Variants in PRDX6 observed in about 807,000 individuals in gnomAD.
PRDX6 encodes peroxiredoxin 6, also known as peroxiredoxin-6.
In PRDX6, 13 loss-of-function variants were observed where a neutral mutation model predicts 20.0. The ratio of observed to expected loss-of-function variants is 0.65; its 90% CI spans 0.42 to 1.03. PRDX6 has a LOEUF of 1.03. Among genes scored for constraint, PRDX6 ranks in the 50% least tolerant of loss-of-function variants. The pLI is 0.00. For missense variants in PRDX6, 203 were observed against 276.9 expected, an observed-to-expected ratio of 0.73 and a Z score of 1.89; for synonymous variants, 85 against 100.8, an observed-to-expected ratio of 0.84 and a Z score of 0.94.
At chr1:173,484,139 TAGA>T (rs1197431262) in intron 2 of PRDX6, among the ~76,000 whole-genome samples, 1 of 61,836 alleles carries the variant, frequency 1.6e-5, no homozygotes, top group African/African-American at 1.5e-4. Flanking sequence ...AAAAAAAAAT[TAGA>T]TATATATATT....
At position 173,487,864 on chromosome 1, in the gene PRDX6, GTC is replaced by G; in HGVS notation, c.*5_*6del. 6.2e-7 allele frequency: 1 copy of G among 1,612,338 alleles called. No homozygotes were observed. Among genetic ancestry groups the G allele is most frequent in the Non-Finnish European group, 8.5e-7 (1 of 1,179,916 alleles). ...CCTCCGCTACACACCCCAGCCTTAAGTCTCTTGGAGAAGCTGGTGCTGTGAGC... is the reference window on the plus strand; with the variant it reads ...CCTCCGCTACACACCCCAGCCTTAAGTCTTGGAGAAGCTGGTGCTGTGAGC... On this transcript the variant is annotated 3_prime_UTR_variant, in exon 5 of 5. Transcript: ENST00000340385.
In PRDX6 at chr1:173,485,520, A is replaced by G. The variant is rs1658881748; in HGVS notation, c.399+13A>G. 6.3e-7 allele frequency: 1 copy of G among 1,575,218 alleles called. No individual in the cohort carries two copies. Among genetic ancestry groups the G allele is most frequent in the South Asian group, 1.2e-5 (1 of 86,552 alleles). On this transcript the variant is annotated intron_variant, in intron 3 of 4. Transcript: ENST00000340385. ...GACAGCTCGTGTGGTAGGTCATACAAATTCATTTTGTAGTTAGCTTAACTG... is the reference window on the plus strand; with the variant it reads ...GACAGCTCGTGTGGTAGGTCATACAGATTCATTTTGTAGTTAGCTTAACTG...
chr1:173,477,915 C>G (rs1339932769), intron 1 of PRDX6, among the ~76,000 whole-genome samples: 2 of 152,220 alleles, frequency 1.3e-5, no homozygotes, highest in Non-Finnish European at 2.9e-5. Context: ...GCGGCATTGA[C>G]GATCACTTCC....
chr1:173,479,621 G>A (rs1303870073), intron 1 of PRDX6, among the ~76,000 whole-genome samples: 1 of 152,120 alleles, frequency 6.6e-6, no homozygotes, highest in East Asian at 1.9e-4. Flanking sequence ...GGGTCTTCTG[G>A]GGCTTAGTAA....
chr1:173,477,931 C>T (rs1247054733), intron 1 of PRDX6, among the ~76,000 whole-genome samples: 1 of 152,326 alleles, frequency 6.6e-6, no homozygotes, highest in East Asian at 1.9e-4. Flanking sequence ...CTTCCCCGGA[C>T]TAGTGCCCAG....
intron 2 of PRDX6, among the ~76,000 whole-genome samples, chr1:173,482,727 GC>G (rs2101857802): frequency 6.6e-6 from 1 of 152,288 alleles, no homozygotes; most frequent in African/African-American, 2.4e-5. Flanking sequence ...AGCAGTTAAT[GC>G]CAGTTAATCC....
At position 173,481,490 on chromosome 1, in the gene PRDX6, T is replaced by G; in HGVS notation, c.252+8T>G. 1 of 1,612,860 alleles carries G rather than the reference T, an allele frequency of 6.2e-7. No individual in the cohort carries two copies. The highest frequency in any genetic ancestry group is 8.5e-7 in the Non-Finnish European group (1 of 1,178,898). ...CATCTTGCCTGGAGCAAGGTTAGTATCAATTGGCATGTGCTTTGAGCCTGA... is the reference window on the plus strand; with the variant it reads ...CATCTTGCCTGGAGCAAGGTTAGTAGCAATTGGCATGTGCTTTGAGCCTGA... On this transcript the variant is annotated splice_region_variant and intron_variant, in intron 2 of 4. Transcript: ENST00000340385.
intron 1 of PRDX6, among the ~76,000 whole-genome samples, 159 bp downstream of exon 1, chr1:173,477,651 C>T (rs574729010): frequency 1.5e-4 from 23 of 152,334 alleles, no homozygotes; most frequent in African/African-American, 5.1e-4. Flanking sequence ...GCCGTGTGGC[C>T]TCTGCTCAGC....
At chr1:173,483,211 C>T (rs548270138) in intron 2 of PRDX6, among the ~76,000 whole-genome samples, 1 of 152,296 alleles carries the variant, frequency 6.6e-6, no homozygotes, top group South Asian at 2.1e-4. Flanking sequence ...TTTATTTTAC[C>T]TGCTGAGCTT....
rs372544798 is a variant in PRDX6 at position 173,477,381 on chromosome 1, C to G, written c.-17C>G. On this transcript the variant is annotated 5_prime_UTR_variant, in exon 1 of 5. Transcript: ENST00000340385. The stretch of plus-strand genomic sequence containing the variant: ...GGTTGCTTGCTGTCCCAGCGGCGCC[C>G]CCTCATCACCGTCGCCATGCCCGGA... The G allele has an allele frequency of 8.1e-6, 13 of 1,597,378 alleles. No individual in the cohort carries two copies. Among genetic ancestry groups the G allele is most frequent in the East Asian group, 2.3e-5 (1 of 43,060 alleles).
chr1:173,484,426 T>C (rs1311234007), intron 2 of PRDX6, among the ~76,000 whole-genome samples: 1 of 151,994 alleles, frequency 6.6e-6, no homozygotes. Flanking sequence ...CCATCCACCA[T>C]TTAACATTAG....
At chr1:173,486,449 GTC>G in intron 4 of PRDX6, 48 bp downstream of exon 4, 1 of 1,557,406 alleles carries the variant, frequency 6.4e-7, no homozygotes, top group Non-Finnish European at 8.7e-7. Flanking sequence ...TGAAGGGCCA[GTC>G]TCTAAATGGC....
rs778049640 is a variant in PRDX6, at chr1:173,477,356, G to C, written c.-42G>C. ...GGCTGCTTCTTCGCCAGAACCAACCGGTTGCTTGCTGTCCCAGCGGCGCCC... is the reference window on the plus strand; with the variant it reads ...GGCTGCTTCTTCGCCAGAACCAACCCGTTGCTTGCTGTCCCAGCGGCGCCC... On this transcript the variant is annotated 5_prime_UTR_variant, in exon 1 of 5. Coordinates refer to ENST00000340385, the MANE Select transcript of PRDX6 (RefSeq NM_004905.3). 3.0e-6 allele frequency: 4 copies of C among 1,342,162 alleles called. No homozygotes were observed. The highest frequency in any genetic ancestry group is 1.2e-5 in the South Asian group (1 of 84,898). The allele number at this position is 1,342,162 out of a possible 1,614,324, so 83.1% of individuals were successfully genotyped here.
At chr1:173,484,156 A>G (rs9943180) in intron 2 of PRDX6, among the ~76,000 whole-genome samples, 8 of 127,778 alleles carry the variant, frequency 6.3e-5, no homozygotes, top group African/African-American at 3.1e-4. Flanking sequence ...ATATATTTAT[A>G]TATATATATA....
At chr1:173,478,330 T>C (rs1371613648) in intron 1 of PRDX6, among the ~76,000 whole-genome samples, 1 of 152,168 alleles carries the variant, frequency 6.6e-6, no homozygotes, top group African/African-American at 2.4e-5. Flanking sequence ...CGTTCCAGGC[T>C]CCAGGACACG....
rs1228200667 is a variant in PRDX6 at position 173,488,207 on chromosome 1, A to T, written c.*344A>T. 2.1e-5 allele frequency: 4 copies of T among 188,694 alleles called. No individual in the cohort carries two copies. The highest frequency in any genetic ancestry group is 9.4e-5 in the African/African-American group (4 of 42,644). 11.7% of individuals were successfully genotyped at this position (188,694 alleles called of 1,614,324 possible). A position where few individuals can be genotyped will look rare whatever the true frequency, so the allele number is the denominator to read the frequency against. Reference sequence around the variant, plus strand: ...GCTTGCTTCACTCCATCAGAGAATGACTATCAATTTTTTTTTAACTGTCCT... The same window carrying T: ...GCTTGCTTCACTCCATCAGAGAATGTCTATCAATTTTTTTTTAACTGTCCT... On this transcript the variant is annotated 3_prime_UTR_variant, in exon 5 of 5. Transcript: ENST00000340385.
At chr1:173,479,613 G>T (rs551730760) in intron 1 of PRDX6, among the ~76,000 whole-genome samples, 3 of 152,196 alleles carry the variant, frequency 2.0e-5, no homozygotes, top group African/African-American at 7.2e-5. Flanking sequence ...TTTTCCAGGG[G>T]TCTTCTGGGG....
Position 173,477,344 on chromosome 1 carries a change from C to T in PRDX6, c.-54C>T. 6.9e-7 allele frequency: 1 copy of T among 1,444,364 alleles called. No individual in the cohort carries two copies. Among genetic ancestry groups the T allele is most frequent in the East Asian group, 2.5e-5 (1 of 39,286 alleles). 89.5% of individuals were successfully genotyped at this position (1,444,364 alleles called of 1,614,324 possible). A position where few individuals can be genotyped will look rare whatever the true frequency, so the allele number is the denominator to read the frequency against. ...CGCGCTGGGACAGGCTGCTTCTTCG[C>T]CAGAACCAACCGGTTGCTTGCTGTC... On this transcript the variant is annotated 5_prime_UTR_variant, in exon 1 of 5. Transcript: ENST00000340385.
Position 173,485,270 on chromosome 1 carries a change from T to C in PRDX6, c.253-91T>C, listed in dbSNP as rs1449022584. Reference sequence around the variant, plus strand: ...AAAATTACTGTGATTTGGTCCTCTTTCCTGTCTTGCAAGGTGATGGCTGTT... The same window carrying C: ...AAAATTACTGTGATTTGGTCCTCTTCCCTGTCTTGCAAGGTGATGGCTGTT... On this transcript the variant is annotated intron_variant, in intron 2 of 4. Coordinates refer to ENST00000340385, the MANE Select transcript of PRDX6 (RefSeq NM_004905.3). 5 of 1,287,022 alleles carry C rather than the reference T, an allele frequency of 3.9e-6. No homozygotes were observed. In the East Asian group the frequency reaches 9.9e-5, roughly 25 times the overall value. The allele number at this position is 1,287,022 out of a possible 1,614,324, so 79.7% of individuals were successfully genotyped here.
Sources: allele counts gnomAD v4.1 joint callset (sites outside exome capture counted in the v4.1 genomes callset), GRCh38; gene constraint gnomAD v4.1.1; transcripts MANE v1.5; gene names NCBI Gene and HGNC (gene_info 2026-07-23, HGNC 2026-07-21).